Variants in ATL3 observed in about 807,000 individuals in gnomAD.
ATL3 encodes the protein atlastin GTPase 3.
ATL3 carries 49 observed loss-of-function variants against 69.5 expected under a neutral mutation model. The ratio of observed to expected loss-of-function variants is 0.71; its 90% CI spans 0.56 to 0.89. The LOEUF (loss-of-function observed/expected upper bound fraction) is 0.89. ATL3 is among the 40% of genes least tolerant of loss of function. ATL3 has a pLI of 0.00. For synonymous variants in ATL3, 214 were observed against 224.1 expected, an observed-to-expected ratio of 0.95 and a Z score of 0.40; for missense variants, 606 against 645.7, an observed-to-expected ratio of 0.94 and a Z score of 0.67.
Position 63,631,094 on chromosome 11 carries a change from T to C in ATL3, c.1485A>G (p.Gln495=), listed in dbSNP as rs1002281378. The part of the protein sequence containing the change: ...LTWGYIRYSG[Q]YRELGGAIDF... Reference sequence around the variant, plus strand: ...CAATAGCTCCGCCCAGCTCACGATATTGACCAGAATACCTGATGTAGCCCC... The same window carrying C: ...CAATAGCTCCGCCCAGCTCACGATACTGACCAGAATACCTGATGTAGCCCC... The change falls in exon 12 of 13, where the codon CAA becomes CAG. Residue 495 remains glutamine, a synonymous_variant. Transcript: ENST00000398868. The C allele has an allele frequency of 3.7e-6, 6 of 1,614,126 alleles. No homozygotes were observed. The highest frequency in any genetic ancestry group is 1.1e-5 in the South Asian group (1 of 91,068).
rs145799416 is a variant in ATL3 at position 63,645,552 on chromosome 11, G to C, written c.618+955C>G. On this transcript the variant is annotated intron_variant, in intron 6 of 12. Transcript: ENST00000398868. ...CAAAGACTTTTTGCAGAGAGAGAGA[G>C]AGAGAGAGAGACAGAGAGAGACAGA... Among the ~76,000 whole-genome samples, 1,463 of 150,426 alleles carry C rather than the reference G, an allele frequency of 9.7e-3. 15 individuals are homozygous for C. Among genetic ancestry groups the C allele is most frequent in the African/African-American group, 0.033 (1,370 of 41,308 alleles).
intron 1 of ATL3, among the ~76,000 whole-genome samples, chr11:63,663,195 T>C (rs1347508526): frequency 2.0e-5 from 3 of 152,146 alleles, no homozygotes; most frequent in Non-Finnish European, 4.4e-5. Flanking sequence ...CCTAGCTTAC[T>C]GCAGCCTCAA....
At chr11:63,666,634 C>A (rs1010694866) in intron 1 of ATL3, among the ~76,000 whole-genome samples, 3 of 149,352 alleles carry the variant, frequency 2.0e-5, no homozygotes, top group Non-Finnish European at 4.5e-5. Flanking sequence ...GGATCGCACA[C>A]CGTGCGATCA....
At chr11:63,644,121 C>T in intron 7 of ATL3, 48 bp downstream of exon 7, 1 of 1,259,218 alleles carries the variant, frequency 7.9e-7, no homozygotes, top group Non-Finnish European at 1.1e-6. Context: ...AATGAGAAAG[C>T]TATCACTACT....
At position 63,625,533 on chromosome 11, in the gene ATL3, T is replaced by A. The variant is rs1193299847; in HGVS notation, c.*3786A>T. 1 of 152,212 alleles carries A rather than the reference T, an allele frequency of 6.6e-6. No individual in the cohort carries two copies. The highest frequency in any genetic ancestry group is 6.5e-5 in the Admixed American group (1 of 15,286). 9.4% of individuals were successfully genotyped at this position (152,212 alleles called of 1,614,324 possible). A position where few individuals can be genotyped will look rare whatever the true frequency, so the allele number is the denominator to read the frequency against. On this transcript the variant is annotated 3_prime_UTR_variant, in exon 13 of 13. Transcript: ENST00000398868. ...ATCTACTTAATTTTGCTATAACTCA[T>A]ACATACATACATACTTATCCAAACT... is the stretch of plus-strand genomic sequence containing the variant.
upstream of ATL3, chr11:63,671,533 G>C (rs1274982695): frequency 7.0e-7 from 1 of 1,428,534 alleles, no homozygotes; most frequent in Non-Finnish European, 9.1e-7. Context: ...AGCCCGAGGC[G>C]TGGCGAGCGC....
chr11:63,671,721 G>C (rs947362764), upstream of ATL3: 24 of 1,267,764 alleles, frequency 1.9e-5, no homozygotes, highest in Non-Finnish European at 5.1e-6. Context: ...CTCATACTGC[G>C]CACTCATCTG....
intron 6 of ATL3, 143 bp from the exon 7 acceptor site, chr11:63,644,404 T>A (rs1033483055): frequency 4.0e-4 from 204 of 508,856 alleles, no homozygotes; most frequent in African/African-American, 2.9e-3. Context: ...TTTTTTTTTT[T>A]AAAGAGATTG....
intron 1 of ATL3, among the ~76,000 whole-genome samples, chr11:63,659,658 GGCACA>G (rs1940362742): frequency 1.3e-5 from 2 of 152,100 alleles, no homozygotes; most frequent in East Asian, 3.9e-4. Flanking sequence ...AAAAGGGCAG[GGCACA>G]GTGGTTCGCC....
chr11:63,658,669 T>C, intron 3 of ATL3, 92 bp downstream of exon 3: 1 of 1,349,124 alleles, frequency 7.4e-7, no homozygotes, highest in Non-Finnish European at 9.8e-7. Context: ...AATTCTTTGA[T>C]AAAAGGTTTT....
intron 10 of ATL3, among the ~76,000 whole-genome samples, chr11:63,633,819 G>A (rs1939413196): frequency 6.6e-6 from 1 of 151,288 alleles, no homozygotes; most frequent in African/African-American, 2.4e-5. Context: ...CGGATCATAA[G>A]GTCAGGAGTT....
chr11:63,666,224 A>T (rs1187721877), intron 1 of ATL3, among the ~76,000 whole-genome samples: 3 of 152,070 alleles, frequency 2.0e-5, no homozygotes, highest in African/African-American at 7.2e-5. Flanking sequence ...TTTTTAGTAG[A>T]GGTGGCGTTT....
chr11:63,671,212 G>A (rs907197556), intron 1 of ATL3, 78 bp downstream of exon 1: 8 of 1,472,294 alleles, frequency 5.4e-6, no homozygotes, highest in African/African-American at 1.5e-5. Flanking sequence ...CGGCGCGGGC[G>A]GGGGTTCTTT....
Position 63,624,676 on chromosome 11 carries a change from C to T in ATL3, c.*4643G>A, listed in dbSNP as rs1312846753. The T allele has an allele frequency of 6.6e-6, 1 of 152,178 alleles. No homozygotes were observed. Among genetic ancestry groups the T allele is most frequent in the Non-Finnish European group, 1.5e-5 (1 of 68,042 alleles). The allele number at this position is 152,178 out of a possible 1,614,324, so 9.4% of individuals were successfully genotyped here. A position where few individuals can be genotyped will look rare whatever the true frequency, so the allele number is the denominator to read the frequency against. On this transcript the variant is annotated 3_prime_UTR_variant, in exon 13 of 13. Transcript: ENST00000398868. Reference sequence around the variant, plus strand: ...AATTGCTTTTAAAAAATCCTAATTACATTAGAAAATAGGATACCTGTACAT... The same window carrying T: ...AATTGCTTTTAAAAAATCCTAATTATATTAGAAAATAGGATACCTGTACAT...
intron 8 of ATL3, among the ~76,000 whole-genome samples, chr11:63,640,704 A>G (rs1444057496): frequency 1.4e-5 from 2 of 141,320 alleles, no homozygotes; most frequent in East Asian, 4.1e-4. Flanking sequence ...TCCCAGATTC[A>G]GGCGATTCTC....
chr11:63,654,883 G>C (rs1005919559), intron 3 of ATL3, among the ~76,000 whole-genome samples: 1 of 146,486 alleles, frequency 6.8e-6, no homozygotes, highest in African/African-American at 2.5e-5. Context: ...TTTTAGTTGA[G>C]CAAGACTGTC....
intron 1 of ATL3, among the ~76,000 whole-genome samples, chr11:63,659,691 T>C (rs1590742720): frequency 6.6e-6 from 1 of 152,072 alleles, no homozygotes; most frequent in East Asian, 1.9e-4. Flanking sequence ...TCCCAGCACT[T>C]TGGGAAGCCG....
rs543739023 is a variant in ATL3 at position 63,662,491 on chromosome 11, T to C, written c.47-3239A>G. The stretch of plus-strand genomic sequence containing the variant: ...ATGCTAAGTTTAAGAAGTCTGTTTA[T>C]TTATTTAAGACAAGGTCTGGCTCTA... On this transcript the variant is annotated intron_variant, in intron 1 of 12. Transcript: ENST00000398868. 5.1e-4 allele frequency among the ~76,000 whole-genome samples: 78 copies of C among 152,356 alleles called. 4 individuals are homozygous for C. In the South Asian group the frequency reaches 0.015, roughly 29 times the overall value.
In ATL3 at chr11:63,652,450, TCTG is replaced by T; in HGVS notation, c.510+18_510+20del. On this transcript the variant is annotated intron_variant, in intron 4 of 12. Coordinates refer to ENST00000398868, the MANE Select transcript of ATL3 (RefSeq NM_015459.5). ...ATCTTATTTCCTTTGCGAGCTTTTTTCTGAGTCAAGTGGTTTTTACCTGAACAG... is the reference window on the plus strand; with the variant it reads ...ATCTTATTTCCTTTGCGAGCTTTTTTAGTCAAGTGGTTTTTACCTGAACAG... The T allele has an allele frequency of 6.9e-7, 1 of 1,452,862 alleles. No homozygotes were observed. Among genetic ancestry groups the T allele is most frequent in the Non-Finnish European group, 9.3e-7 (1 of 1,078,972 alleles). The allele number at this position is 1,452,862 out of a possible 1,614,324, so 90.0% of individuals were successfully genotyped here. A position where few individuals can be genotyped will look rare whatever the true frequency, so the allele number is the denominator to read the frequency against.
Sources: gnomAD v4.1 joint callset for allele counts (sites outside exome capture counted in the v4.1 genomes callset) on GRCh38, gnomAD v4.1.1 for gene constraint, MANE v1.5 for transcripts, NCBI Gene and HGNC (gene_info 2026-07-23, HGNC 2026-07-21) for gene names.